The following ARHGAP10 variants were observed in gnomAD, a reference collection of about 807,000 sequenced individuals.
ARHGAP10 encodes rho GTPase-activating protein 10.
Under a neutral mutation model 108.6 loss-of-function variants are expected in ARHGAP10, and 87 were observed. The ratio of observed to expected loss-of-function variants is 0.80; its 90% CI spans 0.67 to 0.96. ARHGAP10 has a LOEUF of 0.96. ARHGAP10 is among the 40% of genes least tolerant of loss of function. ARHGAP10 has a pLI of 0.00. For missense variants in ARHGAP10, 939 were observed against 954.5 expected, an observed-to-expected ratio of 0.98 and a Z score of 0.21; for synonymous variants, 347 against 341.1, an observed-to-expected ratio of 1.02 and a Z score of -0.19.
intron 8 of ARHGAP10, among the ~76,000 whole-genome samples, chr4:147,876,080 A>G (rs576144010): frequency 3.9e-5 from 6 of 152,334 alleles, no homozygotes; most frequent in African/African-American, 1.4e-4. Context: ...GACATGACTC[A>G]GGGAACGGTT....
At chr4:147,938,566 T>C (rs1348329355) in intron 13 of ARHGAP10, among the ~76,000 whole-genome samples, 1 of 152,194 alleles carries the variant, frequency 6.6e-6, no homozygotes, top group Non-Finnish European at 1.5e-5. Context: ...AGATACAGCA[T>C]AGAGACTCCG....
intron 16 of ARHGAP10, among the ~76,000 whole-genome samples, chr4:147,958,881 G>A (rs953657501): frequency 6.6e-6 from 1 of 152,136 alleles, no homozygotes; most frequent in African/African-American, 2.4e-5. Context: ...ATAAGCAGAT[G>A]GACATTACAG....
chr4:148,031,263 A>C (rs1373472948), intron 19 of ARHGAP10, among the ~76,000 whole-genome samples: 1 of 152,228 alleles, frequency 6.6e-6, no homozygotes, highest in Non-Finnish European at 1.5e-5. Flanking sequence ...AATCTTTAGT[A>C]GTTCATGCAG....
At chr4:148,070,727 T>C (rs1015562898) in intron 22 of ARHGAP10, among the ~76,000 whole-genome samples, 2 of 152,208 alleles carry the variant, frequency 1.3e-5, no homozygotes, top group Non-Finnish European at 2.9e-5. Flanking sequence ...GTTTTTGATA[T>C]GAAATTATTC....
chr4:147,805,570 A>G (rs1320468686), intron 1 of ARHGAP10, among the ~76,000 whole-genome samples: 1 of 152,240 alleles, frequency 6.6e-6, no homozygotes, highest in Non-Finnish European at 1.5e-5. Flanking sequence ...CAATATGGCC[A>G]TTTTAACAAT....
intron 1 of ARHGAP10, among the ~76,000 whole-genome samples, chr4:147,777,662 C>A (rs1426588214): frequency 6.6e-6 from 1 of 152,108 alleles, no homozygotes; most frequent in Non-Finnish European, 1.5e-5. Context: ...CACTGACTGA[C>A]CTTTAAGGGT....
At chr4:147,789,025 CTGA>C (rs1199407285) in intron 1 of ARHGAP10, among the ~76,000 whole-genome samples, 1 of 152,176 alleles carries the variant, frequency 6.6e-6, no homozygotes, top group Non-Finnish European at 1.5e-5. Context: ...TTTCACAGAA[CTGA>C]TGATATCACT....
intron 1 of ARHGAP10, among the ~76,000 whole-genome samples, chr4:147,766,526 A>G (rs190454159): frequency 6.6e-6 from 1 of 151,020 alleles, no homozygotes; most frequent in African/African-American, 2.4e-5. Context: ...ACTCATGGAT[A>G]TGGAGGGCTG....
chr4:147,819,340 CAT>C (rs1250528835), intron 1 of ARHGAP10, among the ~76,000 whole-genome samples: 1 of 151,960 alleles, frequency 6.6e-6, no homozygotes, highest in African/African-American at 2.4e-5. Context: ...TATAAACAAA[CAT>C]GTTCGTATAT....
At chr4:148,062,439 A>G (rs1268003080) in intron 20 of ARHGAP10, among the ~76,000 whole-genome samples, 1 of 152,242 alleles carries the variant, frequency 6.6e-6, no homozygotes, top group Non-Finnish European at 1.5e-5. Context: ...ACACTTCTCA[A>G]GGGAATGTCA....
chr4:147,839,391 T>C (rs1337295499), intron 3 of ARHGAP10, among the ~76,000 whole-genome samples: 1 of 152,184 alleles, frequency 6.6e-6, no homozygotes, highest in African/African-American at 2.4e-5. Context: ...ACACGTGGAA[T>C]CCAGGCTTAA....
At chr4:147,916,191 C>T (rs10519921) in intron 13 of ARHGAP10, among the ~76,000 whole-genome samples, 19,614 of 152,132 alleles carry the variant, frequency 0.13, 2,981 homozygotes, top group African/African-American at 0.36. Context: ...ATCACCGTTT[C>T]CATGTTCTAA....
At position 147,787,285 on chromosome 4, in the gene ARHGAP10, A is replaced by G. The variant is rs1730926563; in HGVS notation, c.155-35442A>G. ...TTGGGATTTGAGATGCACTTGGCAC[A>G]GTGAGGGCTCAATATTTGAATGAAT... On this transcript the variant is annotated intron_variant, in intron 1 of 22. Coordinates refer to ENST00000336498, the MANE Select transcript of ARHGAP10 (RefSeq NM_024605.4). Among the ~76,000 whole-genome samples the G allele has an allele frequency of 2.6e-5, 4 of 152,152 alleles. No individual in the cohort carries two copies. The South Asian group carries it at 8.3e-4, about 32-fold the overall frequency.
At chr4:147,881,953 G>C (rs551383996) in intron 10 of ARHGAP10, 21 bp downstream of exon 10, 1 of 1,606,158 alleles carries the variant, frequency 6.2e-7, no homozygotes, top group South Asian at 1.1e-5. Flanking sequence ...GGAATTATTG[G>C]ACATGGTGAA....
At chr4:147,888,957 T>C (rs183903182) in intron 10 of ARHGAP10, among the ~76,000 whole-genome samples, 1 of 152,368 alleles carries the variant, frequency 6.6e-6, no homozygotes, top group Admixed American at 6.5e-5. Context: ...ATAAGAAATT[T>C]GTTCCTTGTC....
chr4:148,040,117 C>T (rs930259034), intron 19 of ARHGAP10, among the ~76,000 whole-genome samples: 8 of 152,174 alleles, frequency 5.3e-5, no homozygotes, highest in African/African-American at 1.9e-4. Flanking sequence ...CACCTAGGTG[C>T]TGGTTCAGAG....
chr4:147,889,086 A>G (rs978807885), intron 10 of ARHGAP10, among the ~76,000 whole-genome samples: 6 of 152,256 alleles, frequency 3.9e-5, no homozygotes, highest in Non-Finnish European at 1.5e-5. Flanking sequence ...GTACTGGATT[A>G]AACGAAATTG....
intron 18 of ARHGAP10, among the ~76,000 whole-genome samples, chr4:147,998,273 G>T (rs1740558109): frequency 6.6e-6 from 1 of 152,074 alleles, no homozygotes. Flanking sequence ...AACAAATACA[G>T]AAATAATAGA....
intron 4 of ARHGAP10, among the ~76,000 whole-genome samples, chr4:147,848,199 T>C (rs573540161): frequency 5.3e-5 from 8 of 152,186 alleles, no homozygotes; most frequent in South Asian, 2.1e-4. Context: ...GAGTTCCAGC[T>C]CTGTAATTGC....
Sources: gnomAD v4.1 joint callset for allele counts (sites outside exome capture counted in the v4.1 genomes callset) on GRCh38, gnomAD v4.1.1 for gene constraint, MANE v1.5 for transcripts, NCBI Gene and HGNC (gene_info 2026-07-23, HGNC 2026-07-21) for gene names.